SNTG1: variants seen among roughly 807,000 people sequenced by gnomAD.
The protein encoded by SNTG1 is gamma-1-syntrophin.
Under a neutral mutation model 74.7 loss-of-function variants are expected in SNTG1, and 39 were observed. The observed-to-expected ratio is 0.52, with a 90% confidence interval of 0.40 to 0.68. The LOEUF is 0.68. SNTG1 is among the 30% of genes least tolerant of loss of function. The pLI, the probability that SNTG1 is intolerant of heterozygous loss-of-function variation, is 0.00. For missense variants in SNTG1, 685 were observed against 609.5 expected (o/e 1.12, Z -1.30); for synonymous variants, 254 against 217.1 (o/e 1.17, Z -1.49).
intron 1 of SNTG1, among the ~76,000 whole-genome samples, chr8:50,084,263 C>T (rs543941362): frequency 1.3e-5 from 2 of 152,180 alleles, no homozygotes; most frequent in Non-Finnish European, 2.9e-5. Flanking sequence ...AGATCAAGGC[C>T]TTCCTGGCCA....
intron 1 of SNTG1, among the ~76,000 whole-genome samples, chr8:50,082,190 T>G (rs1336704492): frequency 2.6e-5 from 4 of 152,202 alleles, no homozygotes; most frequent in Admixed American, 2.0e-4. Context: ...TATTTAGCTA[T>G]GATTTTCTTT....
chr8:50,205,492 A>T lies in SNTG1; in HGVS notation c.-28+32857A>T, dbSNP rs139599414. 2.5e-3 allele frequency among the ~76,000 whole-genome samples: 386 copies of T among 152,248 alleles called. 6 individuals carry two copies. Among genetic ancestry groups the T allele is most frequent in the East Asian group, 0.018 (93 of 5,180 alleles). On this transcript the variant is annotated intron_variant, in intron 2 of 18. Coordinates refer to ENST00000642720, the MANE Select transcript of SNTG1 (RefSeq NM_018967.5). ...TATTAGACCTTTGTCAGATGGGTAGATTGCAAAAATTTTCTCCCATTCTGT... is the reference window on the plus strand; with the variant it reads ...TATTAGACCTTTGTCAGATGGGTAGTTTGCAAAAATTTTCTCCCATTCTGT...
At chr8:50,186,374 GA>G (rs2083384929) in intron 2 of SNTG1, among the ~76,000 whole-genome samples, 1 of 152,052 alleles carries the variant, frequency 6.6e-6, no homozygotes, top group African/African-American at 2.4e-5. Context: ...TCAATAATGG[GA>G]TTTCCTATGG....
At chr8:50,154,732 T>C (rs940600006) in intron 1 of SNTG1, among the ~76,000 whole-genome samples, 1 of 152,152 alleles carries the variant, frequency 6.6e-6, no homozygotes, top group African/African-American at 2.4e-5. Flanking sequence ...CCTATACTGA[T>C]CACAACTATC....
chr8:50,358,859 T>C (rs2091887176), intron 2 of SNTG1, among the ~76,000 whole-genome samples: 1 of 152,186 alleles, frequency 6.6e-6, no homozygotes. Flanking sequence ...AGTGTGACAA[T>C]AAAACACTTT....
intron 2 of SNTG1, among the ~76,000 whole-genome samples, chr8:50,350,697 A>T (rs2091630889): frequency 6.6e-6 from 1 of 152,184 alleles, no homozygotes; most frequent in African/African-American, 2.4e-5. Context: ...CACACTCTGT[A>T]TCTAGCTACT....
intron 2 of SNTG1, among the ~76,000 whole-genome samples, chr8:50,385,008 G>A (rs2092551524): frequency 1.3e-5 from 2 of 152,144 alleles, no homozygotes; most frequent in Admixed American, 6.5e-5. Flanking sequence ...TCTTAAAAGG[G>A]AGTTGTTATC....
intron 13 of SNTG1, among the ~76,000 whole-genome samples, chr8:50,631,032 C>T (rs2094993716): frequency 6.6e-6 from 1 of 152,178 alleles, no homozygotes; most frequent in Non-Finnish European, 1.5e-5. Flanking sequence ...AGGGATAAAC[C>T]TAGGAATTTA....
intron 3 of SNTG1, among the ~76,000 whole-genome samples, chr8:50,395,384 A>G (rs1044158503): frequency 6.6e-6 from 1 of 152,044 alleles, no homozygotes; most frequent in East Asian, 1.9e-4. Flanking sequence ...ACTGAATACT[A>G]TAAGGTCAGA....
At chr8:49,962,682 T>A (rs1810797963) in intron 1 of SNTG1, among the ~76,000 whole-genome samples, 1 of 152,110 alleles carries the variant, frequency 6.6e-6, no homozygotes, top group Admixed American at 6.6e-5. Context: ...TGCAACCTCT[T>A]CCTCCCAGTT....
chr8:50,780,003 A>G (rs1201511463), intron 18 of SNTG1, among the ~76,000 whole-genome samples: 1 of 152,114 alleles, frequency 6.6e-6, no homozygotes, highest in Non-Finnish European at 1.5e-5. Context: ...GCTGGATTAC[A>G]TTTATTGATT....
intron 2 of SNTG1, among the ~76,000 whole-genome samples, chr8:50,292,443 T>C (rs1426525071): frequency 6.6e-6 from 1 of 152,104 alleles, no homozygotes; most frequent in Non-Finnish European, 1.5e-5. Context: ...GGGAAATTAC[T>C]GACATATTCA....
chr8:50,241,113 AG>A (rs2086145146), intron 2 of SNTG1, among the ~76,000 whole-genome samples: 1 of 152,204 alleles, frequency 6.6e-6, no homozygotes, highest in South Asian at 2.1e-4. Context: ...GTCTGGGTTA[AG>A]GCTAGTGGTA....
chr8:50,385,222 C>T (rs1418451915), intron 2 of SNTG1, among the ~76,000 whole-genome samples: 1 of 152,142 alleles, frequency 6.6e-6, no homozygotes, highest in East Asian at 1.9e-4. Context: ...TGTTCTGGAC[C>T]CCACTTGAAA....
In SNTG1 at chr8:50,583,549, AGGAAGGATATT is replaced by A. The variant is rs2094626005; in HGVS notation, c.811-7329_811-7319del. Among the ~76,000 whole-genome samples the A allele has an allele frequency of 4.6e-5, 7 of 152,234 alleles. No individual in the cohort carries two copies. The South Asian group carries it at 1.5e-3, about 32-fold the overall frequency. Reference sequence around the variant, plus strand: ...GTTCCTTTTTGCGATAGTCATCCTGAGGAAGGATATTCACAATACATTTTACTACCCAATGG... The same window carrying A: ...GTTCCTTTTTGCGATAGTCATCCTGACACAATACATTTTACTACCCAATGG... On this transcript the variant is annotated intron_variant, in intron 12 of 18. Transcript: ENST00000642720.
chr8:50,536,857 A>G, intron 11 of SNTG1, 49 bp downstream of exon 11: 1 of 1,601,000 alleles, frequency 6.2e-7, no homozygotes, highest in Middle Eastern at 1.7e-4. Context: ...GAAAAAAGAG[A>G]CCTTTTAGAA....
At chr8:50,107,484 T>A (rs942676746) in intron 1 of SNTG1, among the ~76,000 whole-genome samples, 22 of 152,306 alleles carry the variant, frequency 1.4e-4, no homozygotes, top group South Asian at 4.1e-4. Flanking sequence ...TCACTTTTTT[T>A]AAAAGTTTAG....
intron 2 of SNTG1, among the ~76,000 whole-genome samples, chr8:50,293,780 G>A (rs895901107): frequency 3.9e-5 from 6 of 151,908 alleles, no homozygotes; most frequent in Non-Finnish European, 5.9e-5. Context: ...TGTAGTACAG[G>A]GGTTAAGATT....
rs185460182 is a variant in SNTG1, at chr8:50,151,694, T to C, written c.-102-20867T>C. On this transcript the variant is annotated intron_variant, in intron 1 of 18. Coordinates refer to ENST00000642720, the MANE Select transcript of SNTG1 (RefSeq NM_018967.5). ...CCAGTAGTCATTCATGAGCAGGTTG[T>C]TCAGTTTCCATGTAGTTGATTGGTT... is the stretch of plus-strand genomic sequence containing the variant. Among the ~76,000 whole-genome samples, 13 of 152,352 alleles carry C rather than the reference T, an allele frequency of 8.5e-5. No homozygotes were observed. The East Asian group carries it at 2.5e-3, about 29-fold the overall frequency.
Sources: allele counts gnomAD v4.1 joint callset (sites outside exome capture counted in the v4.1 genomes callset), GRCh38; gene constraint gnomAD v4.1.1; transcripts MANE v1.5; gene names NCBI Gene and HGNC (gene_info 2026-07-23, HGNC 2026-07-21).